The following ZSWIM2 variants were observed in gnomAD, a reference collection of about 807,000 sequenced individuals.
ZSWIM2 encodes zinc finger SWIM-type containing 2.
ZSWIM2 carries 38 observed loss-of-function variants against 48.4 expected under a neutral mutation model. The observed-to-expected ratio is 0.79, with a 90% CI of 0.61 to 1.03. The LOEUF (loss-of-function observed/expected upper bound fraction) is 1.03, where lower values mean the gene tolerates loss of function less well. Ranked by LOEUF, ZSWIM2 falls within the 50% of genes least tolerant of loss-of-function variation. The pLI is 0.00. For synonymous variants in ZSWIM2, 240 were observed against 251.3 expected (o/e 0.96, Z 0.42); for missense variants, 776 against 730.2 (o/e 1.06, Z -0.72).
intron 7 of ZSWIM2, among the ~76,000 whole-genome samples, chr2:186,831,273 A>G (rs955424446): frequency 6.6e-6 from 1 of 151,984 alleles, no homozygotes; most frequent in African/African-American, 2.4e-5. Flanking sequence ...CTGGTTTCCA[A>G]TGTGTGTGGA....
Position 186,837,454 on chromosome 2 carries a change from T to C in ZSWIM2, c.595A>G (p.Lys199Glu), listed in dbSNP as rs1329472379. The change falls in exon 5 of 9, where the codon AAA becomes GAA. Residue 199 changes from lysine (K) to glutamate (E), a missense_variant. Lys to Glu is a moderately conservative substitution (Grantham distance 56). Coordinates refer to ENST00000295131, the MANE Select transcript of ZSWIM2 (RefSeq NM_182521.3). Reference sequence around the variant, plus strand: ...ATCAGTTTTAATGGTGCAAACTCTTTCCTGCACAGAGGACATTTCAACATG... The same window carrying C: ...ATCAGTTTTAATGGTGCAAACTCTTCCCTGCACAGAGGACATTTCAACATG... ...TSMLKCPLCR[K>E]EFAPLKLILE... 6 of 1,612,690 alleles carry C rather than the reference T, an allele frequency of 3.7e-6. No individual in the cohort carries two copies. The highest frequency in any genetic ancestry group is 3.3e-5 in the Admixed American group (2 of 59,838).
At chr2:186,844,853 G>T in intron 2 of ZSWIM2, 96 bp from the exon 3 acceptor site, 1 of 1,056,734 alleles carries the variant, frequency 9.5e-7, no homozygotes, top group Non-Finnish European at 1.3e-6. Flanking sequence ...TGAATTATAA[G>T]ATTTATATTA....
chr2:186,846,490 G>C (rs114173268), intron 2 of ZSWIM2, among the ~76,000 whole-genome samples: 1 of 151,668 alleles, frequency 6.6e-6, no homozygotes, highest in Non-Finnish European at 1.5e-5. Context: ...AACAAATGTC[G>C]ATAAGGACCT....
chr2:186,839,317 A>T, intron 3 of ZSWIM2, 148 bp from the exon 4 acceptor site: 1 of 566,988 alleles, frequency 1.8e-6, no homozygotes, highest in East Asian at 3.2e-5. Context: ...CCCCTTCTTT[A>T]CATTTTTTTC....
At chr2:186,842,693 T>C (rs1691926277) in intron 3 of ZSWIM2, among the ~76,000 whole-genome samples, 1 of 151,542 alleles carries the variant, frequency 6.6e-6, no homozygotes, top group African/African-American at 2.4e-5. Context: ...TGGGTAGAAC[T>C]GCACTGTTGA....
At position 186,841,375 on chromosome 2, in the gene ZSWIM2, A is replaced by G. The variant is rs116193002; in HGVS notation, c.284-2206T>C. On this transcript the variant is annotated intron_variant, in intron 3 of 8. Coordinates refer to ENST00000295131, the MANE Select transcript of ZSWIM2 (RefSeq NM_182521.3). Reference sequence around the variant, plus strand: ...ATATCTTTGTATGCTTAAGTACTATAGTTAAAATGTGCCAAAAACATGAAT... The same window carrying G: ...ATATCTTTGTATGCTTAAGTACTATGGTTAAAATGTGCCAAAAACATGAAT... Among the ~76,000 whole-genome samples the G allele has an allele frequency of 9.6e-3, 1,458 of 151,336 alleles. 22 individuals carry two copies. The highest frequency in any genetic ancestry group is 0.034 in the African/African-American group (1,405 of 41,446).
chr2:186,847,604 T>C, intron 2 of ZSWIM2, 115 bp downstream of exon 2: 1 of 607,866 alleles, frequency 1.6e-6, no homozygotes. Context: ...AACTTTATAT[T>C]CCCCAAACAC....
chr2:186,839,024 T>C lies in ZSWIM2; in HGVS notation c.429A>G (p.Ser143=), dbSNP rs1691854380. The part of the protein sequence containing the change: ...DGYIKQKEID[S]EDICSICQEL... ...CTTGACAAATAGAGCAGATATCCTCTGAATCAATTTCCTTCTGTTTAATGT... is the reference window on the plus strand; with the variant it reads ...CTTGACAAATAGAGCAGATATCCTCCGAATCAATTTCCTTCTGTTTAATGT... Residue 143 remains serine, a synonymous_variant, in exon 4 of 9, where the codon TCA becomes TCG. Coordinates refer to ENST00000295131, the MANE Select transcript of ZSWIM2 (RefSeq NM_182521.3). 3 of 1,611,790 alleles carry C rather than the reference T, an allele frequency of 1.9e-6. No individual in the cohort carries two copies. The highest frequency in any genetic ancestry group is 2.5e-6 in the Non-Finnish European group (3 of 1,178,370).
rs111235088 is a variant in ZSWIM2, at chr2:186,828,560, A to G, written c.1326T>C (p.Pro442=). 2.1e-4 allele frequency: 338 copies of G among 1,613,204 alleles called. No individual in the cohort carries two copies. In the African/African-American group the frequency reaches 3.0e-3, roughly 14 times the overall value. Residue 442 remains proline, a synonymous_variant, in exon 9 of 9, where the codon CCT becomes CCC. Coordinates refer to ENST00000295131, the MANE Select transcript of ZSWIM2 (RefSeq NM_182521.3). ...CATCAAAATTACACTGAGGTATGCT[A>G]GGTAAAATTCCAAGTCTATTTTGTT... ...VLKQNRLGIL[P]SIPQCNFDEL...
At position 186,834,534 on chromosome 2, in the gene ZSWIM2, G is replaced by C. The variant is rs1484904376; in HGVS notation, c.744-504C>G. Reference sequence around the variant, plus strand: ...GTGAACTGCGCACATGAGAGATCTAGGTTGTGTGCTCCTTATGAGAATCTA... The same window carrying C: ...GTGAACTGCGCACATGAGAGATCTACGTTGTGTGCTCCTTATGAGAATCTA... On this transcript the variant is annotated intron_variant, in intron 5 of 8. Transcript: ENST00000295131. 2.6e-5 allele frequency among the ~76,000 whole-genome samples: 4 copies of C among 152,076 alleles called. No individual in the cohort carries two copies. In the East Asian group the frequency reaches 7.7e-4, roughly 29 times the overall value.
chr2:186,827,829 A>G lies in ZSWIM2; in HGVS notation c.*155T>C. The G allele has an allele frequency of 5.8e-6, 3 of 517,700 alleles. No individual in the cohort carries two copies. Among genetic ancestry groups the G allele is most frequent in the Non-Finnish European group, 6.6e-6 (2 of 302,858 alleles). 32.1% of individuals were successfully genotyped at this position (517,700 alleles called of 1,614,324 possible). ...TGTAAGTCATATAAGTAATAGAATC[A>G]TTTCCTTTAAGTGTAGTGAGCTGTT... On this transcript the variant is annotated 3_prime_UTR_variant, in exon 9 of 9. Coordinates refer to ENST00000295131, the MANE Select transcript of ZSWIM2 (RefSeq NM_182521.3).
chr2:186,834,546 C>T (rs915276780), intron 5 of ZSWIM2, among the ~76,000 whole-genome samples: 4 of 152,068 alleles, frequency 2.6e-5, no homozygotes, highest in Admixed American at 2.0e-4. Context: ...TTGTGTGCTC[C>T]TTATGAGAAT....
chr2:186,828,002 T>C lies in ZSWIM2; in HGVS notation c.1884A>G (p.Ile628Met), dbSNP rs1160291714. The stretch of plus-strand genomic sequence containing the variant: ...AACTTTTTCACAATTGAACTCCTTC[T>C]ATTATTAAAGATAGCTCAGTACTTT... ...NTKSTELSLI[I>M]EGVQL The change falls in exon 9 of 9, where the codon ATA becomes ATG. Residue 628 changes from isoleucine (I) to methionine (M), a missense_variant. Ile to Met is a conservative substitution (Grantham distance 10, BLOSUM62 1). Transcript: ENST00000295131. The C allele has an allele frequency of 5.7e-6, 9 of 1,580,008 alleles. No homozygotes were observed. The highest frequency in any genetic ancestry group is 6.9e-6 in the Non-Finnish European group (8 of 1,166,812).
intron 8 of ZSWIM2, 72 bp from the exon 9 acceptor site, chr2:186,828,862 C>T: frequency 1.1e-6 from 1 of 903,700 alleles, no homozygotes; most frequent in Non-Finnish European, 1.5e-6. Context: ...AAATTTCCCC[C>T]AGTTTCATAA....
At chr2:186,834,398 G>T (rs1001283041) in intron 5 of ZSWIM2, among the ~76,000 whole-genome samples, 1 of 152,084 alleles carries the variant, frequency 6.6e-6, no homozygotes, top group African/African-American at 2.4e-5. Flanking sequence ...CTGGTCTGTG[G>T]CCTGTTCAGA....
At chr2:186,828,825 C>T (rs1274101783) in intron 8 of ZSWIM2, 35 bp from the exon 9 acceptor site, 1 of 1,250,938 alleles carries the variant, frequency 8.0e-7, no homozygotes, top group Non-Finnish European at 1.0e-6. Context: ...AGAACTATAC[C>T]AATCTTGTTT....
intron 4 of ZSWIM2, 69 bp downstream of exon 4, chr2:186,838,890 G>C: frequency 7.1e-7 from 1 of 1,413,870 alleles, no homozygotes; most frequent in Non-Finnish European, 9.6e-7. Flanking sequence ...TGTCTCCTAA[G>C]GTAATAAATC....
At chr2:186,832,302 A>G (rs547221003) in intron 7 of ZSWIM2, among the ~76,000 whole-genome samples, 2 of 140,424 alleles carry the variant, frequency 1.4e-5, no homozygotes, top group South Asian at 4.6e-4. Flanking sequence ...TTTTTTTTTT[A>G]GTAGAGGCAT....
chr2:186,847,958 C>CTGATTTTTCAT (rs66791635), intron 1 of ZSWIM2, among the ~76,000 whole-genome samples, 163 bp from the exon 2 acceptor site: 22,105 of 152,016 alleles, frequency 0.15, 2,490 homozygotes, highest in African/African-American at 0.32. Flanking sequence ...AGTCTCTAGG[C>CTGATTTTTCAT]TTCATTATTT....
Sources: allele counts gnomAD v4.1 joint callset (sites outside exome capture counted in the v4.1 genomes callset), GRCh38; gene constraint gnomAD v4.1.1; transcripts MANE v1.5; gene names NCBI Gene and HGNC (gene_info 2026-07-23, HGNC 2026-07-21).